Variants in CAMKMT observed in about 807,000 individuals in gnomAD.
The protein encoded by CAMKMT is calmodulin-lysine N-methyltransferase.
A neutral mutation model predicts 48.0 loss-of-function variants in CAMKMT; 53 were observed. The ratio of observed to expected loss-of-function variants is 1.10; its 90% confidence interval spans 0.89 to 1.39. CAMKMT has a LOEUF of 1.39. Among genes scored for constraint, CAMKMT ranks in the 40% most tolerant of loss-of-function variants. The pLI, the probability that CAMKMT is intolerant of heterozygous loss-of-function variation, is 0.00. For missense variants in CAMKMT, 428 were observed against 402.7 expected (o/e 1.06, Z -0.54); for synonymous variants, 165 against 152.3 (o/e 1.08, Z -0.61).
chr2:44,401,844 T>C (rs1682401338), intron 3 of CAMKMT, among the ~76,000 whole-genome samples: 1 of 152,194 alleles, frequency 6.6e-6, no homozygotes, highest in African/African-American at 2.4e-5. Context: ...GCAACAAGCA[T>C]CTTGACATCT....
At position 44,740,482 on chromosome 2, in the gene CAMKMT, TGAG is replaced by T. The variant is rs1369237723; in HGVS notation, c.624-3132_624-3130del. On this transcript the variant is annotated intron_variant, in intron 7 of 10. Coordinates refer to ENST00000378494, the MANE Select transcript of CAMKMT (RefSeq NM_024766.5). ...AAGAAGCAGGGTCATCAGCTGAAAG[TGAG>T]GAGGAGGGGAATAGTGTCAGAATTT... 3.3e-5 allele frequency among the ~76,000 whole-genome samples: 5 copies of T among 151,818 alleles called. No homozygotes were observed. The East Asian group carries it at 7.8e-4, about 24-fold the overall frequency.
intron 3 of CAMKMT, among the ~76,000 whole-genome samples, chr2:44,454,530 A>G (rs1243031533): frequency 6.6e-6 from 1 of 152,164 alleles, no homozygotes; most frequent in Non-Finnish European, 1.5e-5. Context: ...TCATGCTTCC[A>G]GGGCACCTCC....
intron 3 of CAMKMT, among the ~76,000 whole-genome samples, chr2:44,524,368 C>T (rs991464321): frequency 1.2e-4 from 19 of 152,110 alleles, no homozygotes; most frequent in African/African-American, 4.6e-4. Context: ...CCAGGACTAA[C>T]GTTGGATGCT....
chr2:44,487,527 T>G (rs180807210), intron 3 of CAMKMT, among the ~76,000 whole-genome samples: 1 of 152,362 alleles, frequency 6.6e-6, no homozygotes, highest in Admixed American at 6.5e-5. Context: ...GTTTTGACAT[T>G]GGATTCATAA....
chr2:44,513,749 C>T (rs1162850304), intron 3 of CAMKMT, among the ~76,000 whole-genome samples: 1 of 152,030 alleles, frequency 6.6e-6, no homozygotes, highest in Non-Finnish European at 1.5e-5. Flanking sequence ...GAGCAGTGTG[C>T]CGTAAAATCT....
At chr2:44,589,856 C>G in intron 3 of CAMKMT, among the ~76,000 whole-genome samples, 1 of 70,704 alleles carries the variant, frequency 1.4e-5, no homozygotes, top group Non-Finnish European at 2.9e-5. Flanking sequence ...AAATCCCCCT[C>G]TGCGAGAAAC....
chr2:44,665,706 G>A (rs572316837), intron 3 of CAMKMT, among the ~76,000 whole-genome samples: 23 of 152,098 alleles, frequency 1.5e-4, no homozygotes, highest in South Asian at 4.1e-4. Flanking sequence ...TCATCTTTCC[G>A]TCTTCTTCAG....
chr2:44,476,817 T>G (rs1448176162), intron 3 of CAMKMT, among the ~76,000 whole-genome samples: 1 of 152,172 alleles, frequency 6.6e-6, no homozygotes, highest in African/African-American at 2.4e-5. Flanking sequence ...GTCTTTCAAT[T>G]TCCTCATCTG....
chr2:44,656,759 A>AG (rs1285871253), intron 3 of CAMKMT, among the ~76,000 whole-genome samples: 2 of 148,144 alleles, frequency 1.4e-5, no homozygotes, highest in Non-Finnish European at 3.0e-5. Context: ...TCCCAAATTA[A>AG]GAAAAAAACC....
intron 3 of CAMKMT, chr2:44,456,543 A>C (rs561879533): frequency 6.5e-7 from 1 of 1,549,050 alleles, no homozygotes; most frequent in South Asian, 1.2e-5. Flanking sequence ...TACCTTTTCT[A>C]TACATGTCAT....
intron 3 of CAMKMT, among the ~76,000 whole-genome samples, chr2:44,466,653 A>G (rs982220577): frequency 1.3e-4 from 20 of 152,182 alleles, no homozygotes; most frequent in African/African-American, 4.8e-4. Context: ...AAGGAAGGAT[A>G]TAATAAAGAT....
chr2:44,429,599 A>G (rs112506364), intron 3 of CAMKMT, among the ~76,000 whole-genome samples: 8,447 of 152,138 alleles, frequency 0.056, 286 homozygotes, highest in South Asian at 0.13. Flanking sequence ...CAGGAGATCG[A>G]GACCATCCTG....
At chr2:44,489,682 T>C (rs1378692145) in intron 3 of CAMKMT, among the ~76,000 whole-genome samples, 2 of 152,136 alleles carry the variant, frequency 1.3e-5, no homozygotes, top group South Asian at 2.1e-4. Context: ...GAAGTAGCAA[T>C]TGTGATTCTT....
At chr2:44,378,439 T>G (rs924526347) in intron 2 of CAMKMT, among the ~76,000 whole-genome samples, 5 of 152,002 alleles carry the variant, frequency 3.3e-5, no homozygotes, top group African/African-American at 7.3e-5. Context: ...TAAGCACTTA[T>G]TTTTGAAAGA....
chr2:44,659,751 G>A lies in CAMKMT; in HGVS notation c.377-44532G>A, dbSNP rs531878674. On this transcript the variant is annotated intron_variant, in intron 3 of 10. Coordinates refer to ENST00000378494, the MANE Select transcript of CAMKMT (RefSeq NM_024766.5). Reference sequence around the variant, plus strand: ...AGATCTTTACTGTATCACTTACTTGGGGAAATATGACAATAACACTAAGAT... The same window carrying A: ...AGATCTTTACTGTATCACTTACTTGAGGAAATATGACAATAACACTAAGAT... 9.2e-5 allele frequency among the ~76,000 whole-genome samples: 14 copies of A among 151,852 alleles called. No individual in the cohort carries two copies. In the East Asian group the frequency reaches 1.7e-3, roughly 19 times the overall value.
chr2:44,628,575 C>G (rs2103959322), intron 3 of CAMKMT, among the ~76,000 whole-genome samples: 1 of 149,704 alleles, frequency 6.7e-6, no homozygotes, highest in Admixed American at 6.6e-5. Flanking sequence ...GATACAAGGT[C>G]TCACTATGTT....
intron 3 of CAMKMT, among the ~76,000 whole-genome samples, chr2:44,555,560 G>A (rs1572788283): frequency 1.3e-5 from 2 of 152,296 alleles, no homozygotes; most frequent in East Asian, 3.9e-4. Flanking sequence ...CTAGGCATCA[G>A]GAGAGTGGTC....
chr2:44,371,891 G>C (rs969963308), intron 1 of CAMKMT, among the ~76,000 whole-genome samples: 1 of 152,088 alleles, frequency 6.6e-6, no homozygotes, highest in African/African-American at 2.4e-5. Context: ...TTATTTTGGA[G>C]GAGGATCCAA....
At chr2:44,458,042 CTTTTT>C (rs541348745) in intron 3 of CAMKMT, among the ~76,000 whole-genome samples, 1 of 75,392 alleles carries the variant, frequency 1.3e-5, no homozygotes, top group Non-Finnish European at 2.4e-5. Flanking sequence ...AGCTTTGTGA[CTTTTT>C]TTTTTTTTTT....
Sources: gnomAD v4.1 joint callset for allele counts (sites outside exome capture counted in the v4.1 genomes callset) on GRCh38, gnomAD v4.1.1 for gene constraint, MANE v1.5 for transcripts, NCBI Gene and HGNC (gene_info 2026-07-23, HGNC 2026-07-21) for gene names.